SLC38A1: variants seen among roughly 807,000 people sequenced by gnomAD.
The protein encoded by SLC38A1 is solute carrier family 38 member 1.
A neutral mutation model predicts 60.3 loss-of-function variants in SLC38A1; 18 were observed. The observed-to-expected ratio is 0.30, with a 90% CI of 0.21 to 0.44. SLC38A1 has a LOEUF of 0.44. SLC38A1 is among the 20% of genes least tolerant of loss of function. SLC38A1 has a pLI of 1.00. For missense variants in SLC38A1, 448 were observed against 587.2 expected (o/e 0.76, Z 2.45); for synonymous variants, 196 against 212.1 (o/e 0.92, Z 0.66).
chr12:46,223,261 G>A (rs776791541), intron 5 of SLC38A1, among the ~76,000 whole-genome samples: 8 of 152,200 alleles, frequency 5.3e-5, no homozygotes, highest in Non-Finnish European at 1.2e-4. Context: ...GTAAAATGGG[G>A]CTAATACCTA....
intron 7 of SLC38A1, 87 bp from the exon 8 acceptor site, chr12:46,207,323 C>A (rs1468714298): frequency 8.1e-7 from 1 of 1,237,294 alleles, no homozygotes; most frequent in African/African-American, 1.5e-5. Context: ...CGTTCTTAGA[C>A]CAACTGTCAG....
Position 46,196,250 on chromosome 12 carries a change from G to C in SLC38A1, c.1362+1470C>G, listed in dbSNP as rs1415920938. On this transcript the variant is annotated intron_variant, in intron 16 of 16. Transcript: ENST00000398637. ...TGCATTCTGAGAGCCAACAGGGCTG[G>C]ACTGGAAACTGGAGGAAGAGAAAGA... The C allele has an allele frequency of 1.8e-5, 27 of 1,535,958 alleles. No individual in the cohort carries two copies. In the South Asian group the frequency reaches 3.0e-4, roughly 17 times the overall value.
intron 1 of SLC38A1, among the ~76,000 whole-genome samples, chr12:46,247,921 T>C (rs1180706887): frequency 6.6e-6 from 1 of 152,228 alleles, no homozygotes; most frequent in Non-Finnish European, 1.5e-5. Context: ...CAGAATTTCA[T>C]ATCCAGCGAA....
intron 1 of SLC38A1, among the ~76,000 whole-genome samples, chr12:46,250,344 A>G (rs947893843): frequency 6.6e-6 from 1 of 152,208 alleles, no homozygotes; most frequent in African/African-American, 2.4e-5. Context: ...TTCTCAAAAT[A>G]ACAAGAGCTA....
intron 5 of SLC38A1, 34 bp downstream of exon 5, chr12:46,229,119 T>C: frequency 1.5e-6 from 2 of 1,296,306 alleles, no homozygotes; most frequent in Non-Finnish European, 2.2e-6. Flanking sequence ...AAGTTCAGTT[T>C]TAAAATGGAA....
chr12:46,251,216 A>G (rs1941826858), intron 1 of SLC38A1, among the ~76,000 whole-genome samples: 1 of 152,244 alleles, frequency 6.6e-6, no homozygotes, highest in Non-Finnish European at 1.5e-5. Context: ...CTGATCTTTG[A>G]CAAACCTGAC....
intron 5 of SLC38A1, among the ~76,000 whole-genome samples, chr12:46,220,601 C>T (rs190219167): frequency 2.8e-4 from 42 of 152,320 alleles, no homozygotes; most frequent in African/African-American, 9.9e-4. Context: ...AGATGACTTA[C>T]CATTTATAAG....
At position 46,183,379 on chromosome 12, in the gene SLC38A1, T is replaced by A. The variant is rs1444504776; in HGVS notation, c.*5591A>T. ...AGATTCAAGTGTTTGGGGAAAAAAA[T>A]ACCTTAGACAGTCTATGTTGGCGTC... On this transcript the variant is annotated 3_prime_UTR_variant, in exon 17 of 17. Transcript: ENST00000398637. The A allele has an allele frequency of 1.3e-5, 2 of 152,178 alleles. No individual in the cohort carries two copies. The highest frequency in any genetic ancestry group is 2.9e-5 in the Non-Finnish European group (2 of 68,018). 9.4% of individuals were successfully genotyped at this position (152,178 alleles called of 1,614,324 possible).
chr12:46,207,136 A>C lies in SLC38A1; in HGVS notation c.563+19T>G. 1 of 1,523,064 alleles carries C rather than the reference A, an allele frequency of 6.6e-7. No individual in the cohort carries two copies. The highest frequency in any genetic ancestry group is 9.0e-7 in the Non-Finnish European group (1 of 1,115,956). The allele number at this position is 1,523,064 out of a possible 1,614,324, so 94.3% of individuals were successfully genotyped here. The stretch of plus-strand genomic sequence containing the variant: ...AAAAACATTTTAGTTATATCATAAA[A>C]AAATGGTCTATAACTTACGAAAATG... On this transcript the variant is annotated intron_variant, in intron 8 of 16. Transcript: ENST00000398637.
At chr12:46,253,571 C>G (rs910831211) in intron 1 of SLC38A1, among the ~76,000 whole-genome samples, 27 of 152,168 alleles carry the variant, frequency 1.8e-4, no homozygotes, top group Admixed American at 3.3e-4. Flanking sequence ...GGGTTTTAGC[C>G]AGCTTCTTTA....
rs189219749 is a variant in SLC38A1 at position 46,197,810 on chromosome 12, T to C, written c.1272A>G (p.Thr424=). The part of the protein sequence containing the change: ...MKDIFGVVGV[T]SANMLIFILP... ...GAATGAAAATAAGCATGTTAGCAGATGTAACTCCTGTAAAATAAGACAAAA... is the reference window on the plus strand; with the variant it reads ...GAATGAAAATAAGCATGTTAGCAGACGTAACTCCTGTAAAATAAGACAAAA... The change falls in exon 16 of 17, where the codon ACA becomes ACG. Residue 424 remains threonine, a synonymous_variant. Transcript: ENST00000398637. 10 of 1,597,604 alleles carry C rather than the reference T, an allele frequency of 6.3e-6. No individual in the cohort carries two copies. The Admixed American group carries it at 1.8e-4, about 29-fold the overall frequency.
chr12:46,247,172 C>T (rs773819993), intron 1 of SLC38A1, among the ~76,000 whole-genome samples: 10 of 152,154 alleles, frequency 6.6e-5, no homozygotes, highest in Admixed American at 4.6e-4. Context: ...CAAAGATGGA[C>T]GGAGAATGAG....
chr12:46,227,031 G>C (rs1237958034), intron 5 of SLC38A1, among the ~76,000 whole-genome samples: 1 of 149,054 alleles, frequency 6.7e-6, no homozygotes, highest in African/African-American at 2.5e-5. Flanking sequence ...TGGGAACTAA[G>C]AGATTTGACA....
chr12:46,201,950 T>G (rs888407534), intron 12 of SLC38A1, among the ~76,000 whole-genome samples: 5 of 151,122 alleles, frequency 3.3e-5, no homozygotes, highest in Non-Finnish European at 7.4e-5. Context: ...CCCAGCACTT[T>G]GGGAGGCTGA....
chr12:46,191,176 T>G (rs1230861483), intron 16 of SLC38A1, among the ~76,000 whole-genome samples: 1 of 152,218 alleles, frequency 6.6e-6, no homozygotes, highest in African/African-American at 2.4e-5. Context: ...TCAGCACCAT[T>G]TATTAAATAG....
chr12:46,194,890 G>A (rs1454591556), intron 16 of SLC38A1, among the ~76,000 whole-genome samples: 14 of 151,898 alleles, frequency 9.2e-5, no homozygotes, highest in African/African-American at 2.4e-4. Context: ...TGCTCCTTTA[G>A]CTCAGAGAAG....
intron 5 of SLC38A1, among the ~76,000 whole-genome samples, chr12:46,227,131 G>T (rs1940899632): frequency 6.6e-6 from 1 of 151,454 alleles, no homozygotes; most frequent in South Asian, 2.1e-4. Context: ...ACAGAAAAAA[G>T]CTAGAAGGAA....
chr12:46,216,855 G>A (rs868745108), intron 5 of SLC38A1, among the ~76,000 whole-genome samples: 20 of 143,656 alleles, frequency 1.4e-4, no homozygotes, highest in Non-Finnish European at 2.5e-4. Context: ...GTGAGATGCC[G>A]TTTCAAAAAA....
chr12:46,235,798 T>C (rs1941239379), intron 3 of SLC38A1, among the ~76,000 whole-genome samples: 2 of 152,178 alleles, frequency 1.3e-5, no homozygotes, highest in Admixed American at 6.5e-5. Flanking sequence ...CAAATCTTAA[T>C]GAAAAAATCT....
Sources: allele counts gnomAD v4.1 joint callset (sites outside exome capture counted in the v4.1 genomes callset), GRCh38; gene constraint gnomAD v4.1.1; transcripts MANE v1.5; gene names NCBI Gene and HGNC (gene_info 2026-07-23, HGNC 2026-07-21).